ANKRD44: variants seen among roughly 807,000 people sequenced by gnomAD.
ANKRD44 encodes the protein serine/threonine-protein phosphatase 6 regulatory ankyrin repeat subunit B.
In ANKRD44, 35 loss-of-function variants were observed where a neutral mutation model predicts 116.0. That is an observed-to-expected ratio of 0.30 (90% CI 0.23 to 0.40). The LOEUF is 0.40. Ranked by LOEUF, ANKRD44 falls within the 10% of genes least tolerant of loss-of-function variation. The pLI is 1.00. For missense variants in ANKRD44, 1,014 were observed against 1,242.6 expected (o/e 0.82, Z 2.77); for synonymous variants, 435 against 461.8 (o/e 0.94, Z 0.74).
chr2:196,978,899 T>TA (rs58172786), intron 21 of ANKRD44, among the ~76,000 whole-genome samples: 5,031 of 142,010 alleles, frequency 0.035, 261 homozygotes, highest in African/African-American at 0.12. Flanking sequence ...GATATTGTTT[T>TA]AAAAAAAAAA....
chr2:197,025,122 T>C (rs2076566777), intron 17 of ANKRD44, 74 bp downstream of exon 17: 1 of 1,433,496 alleles, frequency 7.0e-7, no homozygotes, highest in East Asian at 2.3e-5. Context: ...ATTTACATTT[T>C]AAGAGCAATC....
chr2:196,987,216 G>A lies in ANKRD44; in HGVS notation c.*2375C>T. The stretch of plus-strand genomic sequence containing the variant: ...CGTAAGACGAAAGCATTTTAGCACT[G>A]CAAAATCAAACAATTCCTATAGAAA... On this transcript the variant is annotated 3_prime_UTR_variant, in exon 28 of 28. Coordinates refer to ENST00000282272, the MANE Select transcript of ANKRD44 (RefSeq NM_001195144.2). 1.0e-6 allele frequency: 1 copy of A among 985,248 alleles called. No individual in the cohort carries two copies. The highest frequency in any genetic ancestry group is 5.2e-4 in the Middle Eastern group (1 of 1,914). The allele number at this position is 985,248 out of a possible 1,614,324, so 61.0% of individuals were successfully genotyped here. A position where few individuals can be genotyped will look rare whatever the true frequency, so the allele number is the denominator to read the frequency against.
downstream of ANKRD44, among the ~76,000 whole-genome samples, chr2:196,983,675 A>C (rs1382930168): frequency 6.6e-5 from 10 of 152,224 alleles, no homozygotes; most frequent in Non-Finnish European, 1.3e-4. Context: ...GAAAATTATA[A>C]AATTCTTCCA....
At position 197,005,754 on chromosome 2, in the gene ANKRD44, C is replaced by T; in HGVS notation, c.2287G>A (p.Glu763Lys). The change falls in exon 21 of 28, where the codon GAG becomes AAG. Residue 763 changes from glutamate to lysine, a missense_variant. Physicochemically the swap from Glu to Lys is moderately conservative, Grantham distance 56. Transcript: ENST00000282272. ...SELLQMALSEEDCCFKDNQGY... is the reference protein window; with the variant it reads ...SELLQMALSEKDCCFKDNQGY... ...TGGTTATCTTTGAAACAACAGTCCT[C>T]CTCAGAAAGAGCCATTTGGAGCAGC... is the stretch of plus-strand genomic sequence containing the variant. 6.2e-7 allele frequency: 1 copy of T among 1,614,138 alleles called. No individual in the cohort carries two copies. Among genetic ancestry groups the T allele is most frequent in the Non-Finnish European group, 8.5e-7 (1 of 1,180,030 alleles).
At chr2:197,126,954 C>G (rs1276705691) in intron 4 of ANKRD44, among the ~76,000 whole-genome samples, 1 of 151,800 alleles carries the variant, frequency 6.6e-6, no homozygotes, top group African/African-American at 2.4e-5. Flanking sequence ...TGACACTGCA[C>G]TCCGGCCTGG....
At position 196,988,700 on chromosome 2, in the gene ANKRD44, A is replaced by G; in HGVS notation, c.*891T>C. The G allele has an allele frequency of 3.0e-6, 3 of 985,436 alleles. No individual in the cohort carries two copies. The highest frequency in any genetic ancestry group is 3.6e-6 in the Non-Finnish European group (3 of 829,914). 61.0% of individuals were successfully genotyped at this position (985,436 alleles called of 1,614,324 possible). On this transcript the variant is annotated 3_prime_UTR_variant, in exon 28 of 28. Transcript: ENST00000282272. ...AGGGTGGAAATGGAACTCATTATAA[A>G]ACGTCAGAGAGTACTGCTCTAATTC...
At chr2:197,260,749 T>C (rs1236465476) in intron 1 of ANKRD44, among the ~76,000 whole-genome samples, 2 of 151,650 alleles carry the variant, frequency 1.3e-5, no homozygotes, top group African/African-American at 4.9e-5. Context: ...CACCTACTGT[T>C]TCCTGACTTT....
intron 16 of ANKRD44, among the ~76,000 whole-genome samples, chr2:197,056,295 C>T (rs971287641): frequency 6.6e-6 from 1 of 151,936 alleles, no homozygotes; most frequent in African/African-American, 2.4e-5. Context: ...AAAAAAAAAC[C>T]CTGCTGGGAT....
intron 1 of ANKRD44, among the ~76,000 whole-genome samples, chr2:197,292,897 CA>C (rs1469868917): frequency 6.6e-6 from 1 of 152,016 alleles, no homozygotes; most frequent in Non-Finnish European, 1.5e-5. Context: ...CTCCACAGTA[CA>C]AAAAAATGGT....
At position 196,986,793 on chromosome 2, in the gene ANKRD44, G is replaced by C. The variant is rs2075842280; in HGVS notation, c.*2798C>G. ...GTTGCAAAAGTATTAAACTGTGCTT[G>C]AGAAGATTCAGATTGTTTCAAAGTC... On this transcript the variant is annotated 3_prime_UTR_variant, in exon 28 of 28. Transcript: ENST00000282272. 2.0e-6 allele frequency: 2 copies of C among 985,238 alleles called. No individual in the cohort carries two copies. Among genetic ancestry groups the C allele is most frequent in the Non-Finnish European group, 2.4e-6 (2 of 829,878 alleles). The allele number at this position is 985,238 out of a possible 1,614,324, so 61.0% of individuals were successfully genotyped here. A position where few individuals can be genotyped will look rare whatever the true frequency, so the allele number is the denominator to read the frequency against.
intron 10 of ANKRD44, among the ~76,000 whole-genome samples, chr2:197,097,604 T>C (rs2078191096): frequency 6.6e-6 from 1 of 152,224 alleles, no homozygotes; most frequent in Non-Finnish European, 1.5e-5. Context: ...GTCAGCATTC[T>C]CCTCTTCTGT....
At chr2:197,126,765 C>T (rs1021800234) in intron 4 of ANKRD44, among the ~76,000 whole-genome samples, 1 of 151,906 alleles carries the variant, frequency 6.6e-6, no homozygotes, top group Non-Finnish European at 1.5e-5. Context: ...AAAAAATCGA[C>T]AAACATATAT....
chr2:197,009,303 G>A (rs2076254847), intron 18 of ANKRD44, among the ~76,000 whole-genome samples: 1 of 151,812 alleles, frequency 6.6e-6, no homozygotes, highest in Non-Finnish European at 1.5e-5. Flanking sequence ...TCTTGGCCAG[G>A]CTGGTCTCGA....
chr2:197,216,610 C>T (rs1179201413), intron 1 of ANKRD44, among the ~76,000 whole-genome samples: 1 of 152,136 alleles, frequency 6.6e-6, no homozygotes, highest in Non-Finnish European at 1.5e-5. Flanking sequence ...GGGAGGAGAG[C>T]AAGGGTGGCC....
intron 16 of ANKRD44, among the ~76,000 whole-genome samples, chr2:197,067,784 A>G (rs2077465955): frequency 1.1e-5 from 1 of 90,634 alleles, no homozygotes; most frequent in South Asian, 4.7e-4. Context: ...TAGTTCAACC[A>G]TTGTGGAAGT....
At chr2:197,091,021 G>C (rs1314219848) in intron 10 of ANKRD44, among the ~76,000 whole-genome samples, 1 of 152,210 alleles carries the variant, frequency 6.6e-6, no homozygotes, top group African/African-American at 2.4e-5. Flanking sequence ...AAGAGCTCAG[G>C]AACCACAAGT....
intron 27 of ANKRD44, chr2:196,990,991 C>T: frequency 8.4e-7 from 1 of 1,193,930 alleles, no homozygotes; most frequent in East Asian, 3.2e-5. Flanking sequence ...CACGAGCATT[C>T]CACAGTACAT....
At chr2:197,284,745 G>T (rs1035671629) in intron 1 of ANKRD44, among the ~76,000 whole-genome samples, 1 of 151,820 alleles carries the variant, frequency 6.6e-6, no homozygotes, top group Non-Finnish European at 1.5e-5. Context: ...AATTAGCCAG[G>T]TGTGGTGGTG....
At chr2:197,071,868 C>T (rs976532365) in intron 16 of ANKRD44, among the ~76,000 whole-genome samples, 1 of 152,144 alleles carries the variant, frequency 6.6e-6, no homozygotes, top group African/African-American at 2.4e-5. Context: ...TATTGTAGCT[C>T]TGTTGTTTGG....
Sources: gnomAD v4.1 joint callset for allele counts (sites outside exome capture counted in the v4.1 genomes callset) on GRCh38, gnomAD v4.1.1 for gene constraint, MANE v1.5 for transcripts, NCBI Gene and HGNC (gene_info 2026-07-23, HGNC 2026-07-21) for gene names.